Variants in DIAPH2 observed in about 807,000 individuals in gnomAD.
DIAPH2 encodes protein diaphanous homolog 2.
In DIAPH2, 35 loss-of-function variants were observed where a neutral mutation model predicts 92.7. The ratio of observed to expected loss-of-function variants is 0.38; its 90% CI spans 0.29 to 0.50. DIAPH2 has a LOEUF of 0.50. DIAPH2 is among the 20% of genes least tolerant of loss of function. DIAPH2 has a pLI of 0.94. For synonymous variants in DIAPH2, 301 were observed against 280.4 expected (o/e 1.07, Z -0.73); for missense variants, 701 against 819.5 (o/e 0.86, Z 1.77).
At chrX:97,404,712 A>G (rs1236312468) in intron 25 of DIAPH2, among the ~76,000 whole-genome samples, 1 of 111,977 alleles carries the variant, frequency 8.9e-6, no homozygotes, top group African/African-American at 3.2e-5. Flanking sequence ...TTCTTTTATC[A>G]AAAGGAAAAA....
chrX:97,396,502 T>C (rs1275237496), intron 25 of DIAPH2, among the ~76,000 whole-genome samples: 1 of 110,379 alleles, frequency 9.1e-6, no homozygotes, highest in Non-Finnish European at 1.9e-5. Flanking sequence ...TGAAACCCCG[T>C]CTCTACTAAA....
intron 26 of DIAPH2, among the ~76,000 whole-genome samples, chrX:97,574,794 G>A (rs1467596822): frequency 1.8e-5 from 2 of 112,048 alleles, no homozygotes; most frequent in Non-Finnish European, 3.8e-5. Context: ...GCCATTTCAG[G>A]CTTAGACTTA....
At chrX:96,961,096 C>T (rs1056518504) in intron 16 of DIAPH2, among the ~76,000 whole-genome samples, 3 of 111,151 alleles carry the variant, frequency 2.7e-5, no homozygotes, top group Admixed American at 9.5e-5. Context: ...ATGCTGGCCT[C>T]GTAGGATGAG....
intron 22 of DIAPH2, among the ~76,000 whole-genome samples, chrX:97,164,239 G>A (rs2067395628): frequency 8.9e-6 from 1 of 111,931 alleles, no homozygotes; most frequent in Non-Finnish European, 1.9e-5. Flanking sequence ...AGAGCTAAGT[G>A]ACAATGCAAA....
intron 21 of DIAPH2, among the ~76,000 whole-genome samples, chrX:97,130,229 A>G (rs609962): frequency 0.034 from 3,809 of 112,109 alleles, 159 homozygotes; most frequent in African/African-American, 0.12. Flanking sequence ...TGGAATTACC[A>G]TATGATCCAG....
chrX:97,275,958 A>G (rs1602471530), intron 23 of DIAPH2, among the ~76,000 whole-genome samples: 1 of 112,590 alleles, frequency 8.9e-6, no homozygotes, highest in Non-Finnish European at 1.9e-5. Flanking sequence ...GCTAGCCGAG[A>G]TCACGCCACT....
At chrX:96,980,920 G>A (rs1159648469) in intron 17 of DIAPH2, among the ~76,000 whole-genome samples, 1 of 105,987 alleles carries the variant, frequency 9.4e-6, no homozygotes, top group Non-Finnish European at 1.9e-5. Flanking sequence ...CAGCACTTTG[G>A]GAGGCCAGGG....
chrX:97,508,764 C>T (rs141472938), intron 26 of DIAPH2, among the ~76,000 whole-genome samples: 216 of 111,809 alleles, frequency 1.9e-3, no homozygotes, highest in African/African-American at 6.9e-3. Flanking sequence ...TTGAAGGAGG[C>T]TAGAATGCTG....
At chrX:97,079,322 A>G (rs2066725855) in intron 19 of DIAPH2, among the ~76,000 whole-genome samples, 1 of 111,593 alleles carries the variant, frequency 9.0e-6, no homozygotes, top group African/African-American at 3.3e-5. Context: ...CTTGATGTAA[A>G]GAGACTTGAC....
chrX:97,033,275 G>A (rs1054895747), intron 17 of DIAPH2, among the ~76,000 whole-genome samples: 1 of 111,905 alleles, frequency 8.9e-6, no homozygotes, highest in African/African-American at 3.2e-5. Context: ...ATTAAAACCA[G>A]TTTCCAACTT....
intron 22 of DIAPH2, among the ~76,000 whole-genome samples, chrX:97,200,871 G>C (rs1382213720): frequency 1.8e-5 from 2 of 111,803 alleles, no homozygotes; most frequent in Non-Finnish European, 3.8e-5. Context: ...CATGCCTCCT[G>C]ACTGGGAGAG....
chrX:97,555,511 A>G (rs1201199933), intron 26 of DIAPH2: 1 of 599,129 alleles, frequency 1.7e-6, no homozygotes, highest in Non-Finnish European at 2.0e-6. Context: ...ATTATAATGA[A>G]CATGATGGAC....
intron 26 of DIAPH2, among the ~76,000 whole-genome samples, chrX:97,531,392 A>G (rs1388861825): frequency 1.8e-5 from 2 of 111,870 alleles, no homozygotes; most frequent in Non-Finnish European, 3.8e-5. Context: ...GAGCTTGTAT[A>G]TTGAGAGACC....
At chrX:97,148,465 C>G (rs953209067) in intron 22 of DIAPH2, among the ~76,000 whole-genome samples, 2 of 111,352 alleles carry the variant, frequency 1.8e-5, no homozygotes, top group African/African-American at 6.5e-5. Context: ...GAGCACATAC[C>G]ACATTTGCAC....
At chrX:97,506,626 A>C (rs1327687158) in intron 26 of DIAPH2, among the ~76,000 whole-genome samples, 1 of 110,161 alleles carries the variant, frequency 9.1e-6, no homozygotes, top group Admixed American at 9.7e-5. Flanking sequence ...ACCTTCTTCC[A>C]CCTACAACTC....
intron 24 of DIAPH2, among the ~76,000 whole-genome samples, chrX:97,371,397 A>G (rs752155890): frequency 6.3e-5 from 7 of 111,080 alleles, no homozygotes; most frequent in Non-Finnish European, 1.1e-4. Flanking sequence ...GACAAGCTAC[A>G]CCTCCATGAA....
At chrX:97,483,001 C>G (rs776217934) in intron 26 of DIAPH2, among the ~76,000 whole-genome samples, 38 of 110,986 alleles carry the variant, frequency 3.4e-4, no homozygotes, top group Non-Finnish European at 6.0e-4. Flanking sequence ...TAAAAATAGG[C>G]ATTCAAACCA....
Position 97,159,648 on chromosome X carries a change from AGCCACATAC to A in DIAPH2, c.2719+17857_2719+17865del, listed in dbSNP as rs200663558. 6.2e-3 allele frequency among the ~76,000 whole-genome samples: 696 copies of A among 112,329 alleles called. 5 individuals carry two copies. The highest frequency in any genetic ancestry group is 0.021 in the African/African-American group (654 of 30,976). On this transcript the variant is annotated intron_variant, in intron 22 of 26. Transcript: ENST00000324765. ...AGTTTGAGATTTTGCATACAACCAT[AGCCACATAC>A]GCAGGTAGGTAACAGATTTTTTAAA...
chrX:96,700,239 G>A (rs1437131255), intron 1 of DIAPH2, among the ~76,000 whole-genome samples: 1 of 111,824 alleles, frequency 8.9e-6, no homozygotes, highest in East Asian at 2.8e-4. Context: ...GAACCCCTGG[G>A]TTCAAGCGAT....
Sources: gnomAD v4.1 joint callset for allele counts (sites outside exome capture counted in the v4.1 genomes callset) on GRCh38, gnomAD v4.1.1 for gene constraint, MANE v1.5 for transcripts, NCBI Gene and HGNC (gene_info 2026-07-23, HGNC 2026-07-21) for gene names.